The following FMN1 variants were observed in gnomAD, a reference collection of about 807,000 sequenced individuals.
FMN1 encodes formin-1.
A neutral mutation model predicts 132.4 loss-of-function variants in FMN1; 110 were observed. The ratio of observed to expected loss-of-function variants is 0.83; its 90% CI spans 0.71 to 0.97. FMN1 has a LOEUF of 0.97. Among genes scored for constraint, FMN1 ranks in the 50% least tolerant of loss-of-function variants. FMN1 has a pLI of 0.00. For synonymous variants in FMN1, 722 were observed against 651.7 expected, an observed-to-expected ratio of 1.11 and a Z score of -1.64; for missense variants, 1,792 against 1,705.3, an observed-to-expected ratio of 1.05 and a Z score of -0.90.
intron 3 of FMN1, among the ~76,000 whole-genome samples, chr15:33,174,819 G>A (rs148182814): frequency 0.017 from 2,526 of 152,206 alleles, 59 homozygotes; most frequent in African/African-American, 0.057. Flanking sequence ...ATAGAATAGC[G>A]GGACAATCAG....
chr15:32,829,228 T>G (rs1407039772), intron 17 of FMN1, among the ~76,000 whole-genome samples: 1 of 152,228 alleles, frequency 6.6e-6, no homozygotes, highest in East Asian at 1.9e-4. Flanking sequence ...AAATTTGCCA[T>G]GCAATATATA....
chr15:33,114,125 C>G (rs1048550092), intron 4 of FMN1, among the ~76,000 whole-genome samples: 5 of 152,220 alleles, frequency 3.3e-5, no homozygotes, highest in Non-Finnish European at 5.9e-5. Context: ...TGAGCCTGTT[C>G]TGCCGTCAAG....
At chr15:32,872,023 TG>T (rs1259366744) in intron 16 of FMN1, among the ~76,000 whole-genome samples, 1 of 151,566 alleles carries the variant, frequency 6.6e-6, no homozygotes, top group Non-Finnish European at 1.5e-5. Flanking sequence ...GTTTGAGGCC[TG>T]TGCATGAAAG....
chr15:33,142,069 A>T (rs1964032866), intron 4 of FMN1, among the ~76,000 whole-genome samples: 1 of 152,234 alleles, frequency 6.6e-6, no homozygotes, highest in African/African-American at 2.4e-5. Context: ...TCTGGTCACC[A>T]ACACGTAATC....
At chr15:32,924,616 T>G (rs2060912591) in intron 10 of FMN1, among the ~76,000 whole-genome samples, 1 of 152,230 alleles carries the variant, frequency 6.6e-6, no homozygotes, top group Non-Finnish European at 1.5e-5. Context: ...ATAAGTGAAA[T>G]GTCAATATAA....
At chr15:32,924,109 T>C (rs533414811) in intron 10 of FMN1, among the ~76,000 whole-genome samples, 2 of 152,364 alleles carry the variant, frequency 1.3e-5, no homozygotes, top group East Asian at 1.9e-4. Flanking sequence ...TCTTCTGATG[T>C]GAATTTTTCA....
intron 16 of FMN1, among the ~76,000 whole-genome samples, chr15:32,869,454 C>T (rs148267293): frequency 2.6e-5 from 4 of 151,940 alleles, no homozygotes; most frequent in East Asian, 1.9e-4. Context: ...TGAGCAAGCT[C>T]GAGGTGGAAA....
intron 6 of FMN1, among the ~76,000 whole-genome samples, chr15:33,041,099 G>A (rs1387023354): frequency 2.0e-5 from 3 of 151,286 alleles, no homozygotes; most frequent in African/African-American, 7.3e-5. Flanking sequence ...AGAATGCAGA[G>A]GTGGTTCTAA....
chr15:33,116,287 C>T (rs927770011), intron 4 of FMN1, among the ~76,000 whole-genome samples: 3 of 152,170 alleles, frequency 2.0e-5, no homozygotes, highest in African/African-American at 7.2e-5. Context: ...TTTAAAGTAT[C>T]CTTGGTTCAC....
chr15:32,989,216 T>C (rs2033278848), intron 7 of FMN1, among the ~76,000 whole-genome samples: 1 of 152,202 alleles, frequency 6.6e-6, no homozygotes, highest in African/African-American at 2.4e-5. Flanking sequence ...CAACTGTTTG[T>C]TGTTTAGTGA....
chr15:33,164,903 C>T (rs148949290), intron 3 of FMN1, among the ~76,000 whole-genome samples: 25 of 152,262 alleles, frequency 1.6e-4, no homozygotes, highest in African/African-American at 6.0e-4. Flanking sequence ...GTATCCATCA[C>T]CTCAAACATT....
intron 4 of FMN1, among the ~76,000 whole-genome samples, chr15:33,133,265 G>T (rs190975094): frequency 3.3e-5 from 5 of 152,300 alleles, no homozygotes; most frequent in Non-Finnish European, 5.9e-5. Flanking sequence ...AGAACAGTGC[G>T]CTGGGAGTCA....
At chr15:33,114,525 C>A (rs879673776) in intron 4 of FMN1, among the ~76,000 whole-genome samples, 49 of 152,222 alleles carry the variant, frequency 3.2e-4, no homozygotes, top group Non-Finnish European at 5.3e-4. Flanking sequence ...CATTGTCGAT[C>A]CAATCATTTG....
intron 3 of FMN1, among the ~76,000 whole-genome samples, chr15:33,171,991 C>T (rs1046471424): frequency 5.3e-5 from 8 of 152,120 alleles, no homozygotes; most frequent in East Asian, 1.9e-4. Flanking sequence ...GGGTGGATCA[C>T]GAGGTCAGGA....
At chr15:32,811,561 G>A (rs1469093055) in intron 17 of FMN1, among the ~76,000 whole-genome samples, 1 of 151,718 alleles carries the variant, frequency 6.6e-6, no homozygotes, top group Non-Finnish European at 1.5e-5. Flanking sequence ...CAGTTAAAAG[G>A]AGTCTTCAAA....
At chr15:32,995,124 A>T (rs1312495849) in intron 7 of FMN1, among the ~76,000 whole-genome samples, 4 of 152,164 alleles carry the variant, frequency 2.6e-5, no homozygotes, top group African/African-American at 9.7e-5. Flanking sequence ...GTATATATGC[A>T]AAACACATTT....
chr15:32,833,856 G>A (rs1394825261), intron 17 of FMN1, among the ~76,000 whole-genome samples: 1 of 152,126 alleles, frequency 6.6e-6, no homozygotes. Flanking sequence ...AAAGGAATGT[G>A]GGCATATTCA....
chr15:32,992,304 G>T (rs1393804625), intron 7 of FMN1, among the ~76,000 whole-genome samples: 1 of 152,086 alleles, frequency 6.6e-6, no homozygotes, highest in African/African-American at 2.4e-5. Flanking sequence ...TGTTAGTTTT[G>T]CATGCTGAAA....
At chr15:32,965,550 G>T (rs894669453) in intron 8 of FMN1, among the ~76,000 whole-genome samples, 1 of 151,986 alleles carries the variant, frequency 6.6e-6, no homozygotes, top group Non-Finnish European at 1.5e-5. Flanking sequence ...AAACTAAAAA[G>T]ATAACTATTA....
Sources: gnomAD v4.1 joint callset for allele counts (sites outside exome capture counted in the v4.1 genomes callset) on GRCh38, gnomAD v4.1.1 for gene constraint, MANE v1.5 for transcripts, NCBI Gene and HGNC (gene_info 2026-07-23, HGNC 2026-07-21) for gene names.